Variants in NELFB observed in about 807,000 individuals in gnomAD.
The protein encoded by NELFB is negative elongation factor complex member B, also known as negative elongation factor B.
In NELFB, 34 loss-of-function variants were observed where a neutral mutation model predicts 60.2. The ratio of observed to expected loss-of-function variants is 0.56; its 90% CI spans 0.43 to 0.75. NELFB has a LOEUF of 0.75. Ranked by LOEUF, NELFB falls within the 30% of genes least tolerant of loss-of-function variation. The pLI, the probability that NELFB is intolerant of heterozygous loss-of-function variation, is 0.00. For synonymous variants in NELFB, 459 were observed against 382.1 expected (o/e 1.20, Z -2.35); for missense variants, 770 against 831.6 (o/e 0.93, Z 0.91).
chr9:137,270,006 G>T (rs1830563468), intron 10 of NELFB, among the ~76,000 whole-genome samples: 1 of 152,138 alleles, frequency 6.6e-6, no homozygotes, highest in African/African-American at 2.4e-5. Flanking sequence ...ATTTGTGAAA[G>T]AATACGAAGT....
In NELFB at chr9:137,269,302, A is replaced by T. The variant is rs1455358017; in HGVS notation, c.1489+1956A>T. On this transcript the variant is annotated intron_variant, in intron 10 of 12. Coordinates refer to ENST00000343053, the MANE Select transcript of NELFB (RefSeq NM_015456.5). The surrounding 1 kb of genome is among the most constrained non-coding windows in gnomAD (Gnocchi z 5.3). Reference sequence around the variant, plus strand: ...GTGGCATTAGACAGCGCAGGCAGACATGACCTCCTGGGCTTCTGCGGGTGC... The same window carrying T: ...GTGGCATTAGACAGCGCAGGCAGACTTGACCTCCTGGGCTTCTGCGGGTGC... Among the ~76,000 whole-genome samples the T allele has an allele frequency of 6.6e-6, 1 of 152,154 alleles. No individual in the cohort carries two copies. The highest frequency in any genetic ancestry group is 1.5e-5 in the Non-Finnish European group (1 of 68,032).
chr9:137,268,740 C>T (rs1423264462), intron 10 of NELFB, among the ~76,000 whole-genome samples: 2 of 151,916 alleles, frequency 1.3e-5, no homozygotes, highest in South Asian at 2.1e-4. Context: ...CAGACAGACA[C>T]AGACAGAGAT....
At chr9:137,265,761 G>A (rs1047017175) in intron 6 of NELFB, 116 bp from the exon 7 acceptor site, 85 of 703,218 alleles carry the variant, frequency 1.2e-4, no homozygotes, top group Admixed American at 3.7e-4. Flanking sequence ...AACCCAGCAT[G>A]TGATGGGCAC....
At position 137,269,652 on chromosome 9, in the gene NELFB, G is replaced by T. The variant is rs1054044310; in HGVS notation, c.1489+2306G>T. Among the ~76,000 whole-genome samples the T allele has an allele frequency of 6.6e-6, 1 of 152,256 alleles. No individual in the cohort carries two copies. Among genetic ancestry groups the T allele is most frequent in the Non-Finnish European group, 1.5e-5 (1 of 68,044 alleles). On this transcript the variant is annotated intron_variant, in intron 10 of 12. Coordinates refer to ENST00000343053, the MANE Select transcript of NELFB (RefSeq NM_015456.5). The surrounding 1 kb of genome is among the most constrained non-coding windows in gnomAD (Gnocchi z 5.3). ...CTCAGTACAGCCATGTGCTGTGCAG[G>T]TGTCTAGCTCAGGGGCATGAGGCCA...
intron 7 of NELFB, 114 bp from the exon 8 acceptor site, chr9:137,266,217 T>C (rs1173233663): frequency 1.6e-5 from 15 of 930,750 alleles, no homozygotes. Flanking sequence ...ATCGCAGTCG[T>C]GTGGTCCTGG....
rs1258049257 is a variant in NELFB, at chr9:137,273,430, A to C, written c.*502A>C. ...CACCTCACCCTGCAGCCCAGTTTGC[A>C]GGTGTGGCCTTGTTTCTCCTTGCCC... On this transcript the variant is annotated 3_prime_UTR_variant, in exon 13 of 13. Coordinates refer to ENST00000343053, the MANE Select transcript of NELFB (RefSeq NM_015456.5). 6.5e-6 allele frequency: 1 copy of C among 153,864 alleles called. No homozygotes were observed. The highest frequency in any genetic ancestry group is 1.4e-5 in the Non-Finnish European group (1 of 69,174). The allele number at this position is 153,864 out of a possible 1,614,324, so 9.5% of individuals were successfully genotyped here.
At position 137,264,377 on chromosome 9, in the gene NELFB, G is replaced by C; in HGVS notation, c.1040+20G>C. On this transcript the variant is annotated intron_variant, in intron 6 of 12. Transcript: ENST00000343053. ...GCTGGGGTGAGGGTCGGCTCCACGA[G>C]GCCTCTGCCCCTCAGGGCCCTGCGT... 4 of 1,546,594 alleles carry C rather than the reference G, an allele frequency of 2.6e-6. No individual in the cohort carries two copies. In the South Asian group the frequency reaches 4.7e-5, roughly 18 times the overall value.
rs200399989 is a variant in NELFB, at chr9:137,263,181, C to A, written c.886C>A (p.Leu296Met). 2 of 1,613,736 alleles carry A rather than the reference C, an allele frequency of 1.2e-6. No homozygotes were observed. Among genetic ancestry groups the A allele is most frequent in the East Asian group, 2.2e-5 (1 of 44,880 alleles). ...TGAGCTGCTCATGTCCCTGCACGAC[C>A]TGGACGTGGGTGAAATCTGCACCGT... The change falls in exon 5 of 13, where the codon CTG (leucine) becomes ATG (methionine). Residue 296 changes from leucine to methionine, a missense_variant. Physicochemically the swap from Leu to Met is conservative, Grantham distance 15. Coordinates refer to ENST00000343053, the MANE Select transcript of NELFB (RefSeq NM_015456.5).
intron 10 of NELFB, among the ~76,000 whole-genome samples, chr9:137,270,705 G>C (rs1229292651): frequency 2.6e-5 from 4 of 152,226 alleles, no homozygotes; most frequent in Non-Finnish European, 5.9e-5. Flanking sequence ...CGGATCACCT[G>C]AGGTCAGGAG....
Position 137,256,011 on chromosome 9 carries a change from G to A in NELFB, c.351G>A (p.Leu117=). The change falls in exon 2 of 13, where the codon CTG becomes CTA. Residue 117 remains leucine, a synonymous_variant. Coordinates refer to ENST00000343053, the MANE Select transcript of NELFB (RefSeq NM_015456.5). ...TCCACCAGTCGGTATTCGATGAGCT[G>A]CGGGACAAGCTGCTGGAGCGAGTGT... 6.2e-7 allele frequency: 1 copy of A among 1,613,920 alleles called. No individual in the cohort carries two copies. The highest frequency in any genetic ancestry group is 8.5e-7 in the Non-Finnish European group (1 of 1,180,030).
intron 5 of NELFB, 26 bp downstream of exon 5, chr9:137,263,248 C>G (rs759499233): frequency 1.3e-6 from 2 of 1,588,592 alleles, no homozygotes; most frequent in African/African-American, 1.3e-5. Context: ...CTCCTTCCCC[C>G]CTACCCTCCT....
chr9:137,266,802 G>A (rs911579913), intron 8 of NELFB, 142 bp from the exon 9 acceptor site: 4 of 968,230 alleles, frequency 4.1e-6, no homozygotes, highest in Admixed American at 5.0e-5. Context: ...GGTGGGAAGA[G>A]GGACCTGGGG....
chr9:137,267,065 C>T lies in NELFB; in HGVS notation c.1361C>T (p.Thr454Ile). 6.2e-7 allele frequency: 1 copy of T among 1,614,074 alleles called. No individual in the cohort carries two copies. Among genetic ancestry groups the T allele is most frequent in the Non-Finnish European group, 8.5e-7 (1 of 1,180,010 alleles). Residue 454 changes from threonine (T) to isoleucine (I), a missense_variant, in exon 9 of 13, where the codon ACA (threonine) becomes ATA (isoleucine). By Grantham distance (89) the Thr-to-Ile change is moderately conservative (BLOSUM62 -1). Coordinates refer to ENST00000343053, the MANE Select transcript of NELFB (RefSeq NM_015456.5). Reference sequence around the variant, plus strand: ...AAAGCCCCAGTCTCATATCCAAACACACTTCCCGAAAGCTTCACTAAGTAC... The same window carrying T: ...AAAGCCCCAGTCTCATATCCAAACATACTTCCCGAAAGCTTCACTAAGTAC...
Position 137,256,085 on chromosome 9 carries a change from G to C in NELFB, c.410+15G>C, listed in dbSNP as rs755088818. ...GCTGAGGAAAGGTGGGTCAGCGGGA[G>C]GGGTGGGCAGGTGAGATGTGCAGCC... On this transcript the variant is annotated intron_variant, in intron 2 of 12. Coordinates refer to ENST00000343053, the MANE Select transcript of NELFB (RefSeq NM_015456.5). The C allele has an allele frequency of 1.8e-5, 29 of 1,610,014 alleles. No homozygotes were observed. Among genetic ancestry groups the C allele is most frequent in the South Asian group, 1.2e-4 (11 of 91,018 alleles).
chr9:137,256,315 G>A lies in NELFB; in HGVS notation c.411-14G>A. 1 of 1,611,944 alleles carries A rather than the reference G, an allele frequency of 6.2e-7. No homozygotes were observed. The highest frequency in any genetic ancestry group is 8.5e-7 in the Non-Finnish European group (1 of 1,178,272). ...GGCGCATCGCTGCACCATCAATCCT[G>A]TGAGTTGTTCCAGGTACAAGAAGCT... On this transcript the variant is annotated splice_polypyrimidine_tract_variant and intron_variant, in intron 2 of 12. Coordinates refer to ENST00000343053, the MANE Select transcript of NELFB (RefSeq NM_015456.5).
chr9:137,270,280 CAA>C (rs989557010), intron 10 of NELFB, among the ~76,000 whole-genome samples: 11 of 53,284 alleles, frequency 2.1e-4, no homozygotes, highest in Admixed American at 2.1e-4. Flanking sequence ...GACTCCGTCT[CAA>C]AAAAAAAAAA....
At position 137,269,766 on chromosome 9, in the gene NELFB, C is replaced by G. The variant is rs1206611108; in HGVS notation, c.1490-2315C>G. On this transcript the variant is annotated intron_variant, in intron 10 of 12. Transcript: ENST00000343053. This position sits in a 1 kb window ranked among gnomAD's most constrained non-coding sequence, Gnocchi z 5.3. ...CACAATGACAGACTCACCTGGGAGG[C>G]CTTCCGTGCGCTTCTGTTTCTTTCT... 2.0e-5 allele frequency among the ~76,000 whole-genome samples: 3 copies of G among 152,174 alleles called. No homozygotes were observed. Among genetic ancestry groups the G allele is most frequent in the Admixed American group, 1.3e-4 (2 of 15,272 alleles).
At chr9:137,272,694 T>C in intron 12 of NELFB, 79 bp downstream of exon 12, 1 of 1,526,290 alleles carries the variant, frequency 6.6e-7, no homozygotes, top group Non-Finnish European at 8.8e-7. Context: ...GCCCTTGTGG[T>C]GCTTGTGTGT....
chr9:137,267,368 C>T (rs763585545), intron 10 of NELFB, 22 bp downstream of exon 10: 13 of 1,579,112 alleles, frequency 8.2e-6, no homozygotes, highest in Non-Finnish European at 1.0e-5. Context: ...CGGGCGGTGC[C>T]TGGCTGTGTC....
Sources: gnomAD v4.1 joint callset for allele counts (sites outside exome capture counted in the v4.1 genomes callset) on GRCh38, gnomAD v4.1.1 for gene constraint, Gnocchi (gnomAD v3.1) non-coding constraint, MANE v1.5 for transcripts, NCBI Gene and HGNC (gene_info 2026-07-23, HGNC 2026-07-21) for gene names.